PCDHGB3: variants seen among roughly 807,000 people sequenced by gnomAD.
PCDHGB3 encodes protocadherin gamma subfamily B, 3, also known as protocadherin gamma-B3.
In PCDHGB3, 40 loss-of-function variants were observed where a neutral mutation model predicts 59.2. The ratio of observed to expected loss-of-function variants is 0.68; its 90% CI spans 0.52 to 0.88. The LOEUF (loss-of-function observed/expected upper bound fraction) is 0.88. Ranked by LOEUF, PCDHGB3 falls within the 40% of genes least tolerant of loss-of-function variation. PCDHGB3 has a pLI of 0.00. For synonymous variants in PCDHGB3, 581 were observed against 503.6 expected, an observed-to-expected ratio of 1.15 and a Z score of -2.06; for missense variants, 1,309 against 1,187.9, an observed-to-expected ratio of 1.10 and a Z score of -1.50.
intron 1 of PCDHGB3, chr5:141,403,000 A>T: frequency 1.1e-5 from 18 of 1,613,980 alleles, no homozygotes; most frequent in Non-Finnish European, 1.4e-5. Context: ...TAGTCCTGCT[A>T]TGCTCGCTCC....
rs749759763 is a variant in PCDHGB3 at position 141,384,376 on chromosome 5, G to A, written c.2415+11567G>A. On this transcript the variant is annotated intron_variant, in intron 1 of 3. Coordinates refer to ENST00000576222, the MANE Select transcript of PCDHGB3 (RefSeq NM_018924.5). ...TGCCCAGATCACTTATTCCTTGGCCGAAGACACCATCCAGGGGGCTCCAGT... is the reference window on the plus strand; with the variant it reads ...TGCCCAGATCACTTATTCCTTGGCCAAAGACACCATCCAGGGGGCTCCAGT... 10 of 1,613,786 alleles carry A rather than the reference G, an allele frequency of 6.2e-6. No individual in the cohort carries two copies. In the African/African-American group the frequency reaches 8.0e-5, roughly 13 times the overall value.
In PCDHGB3 at chr5:141,427,784, G is replaced by A. The variant is rs750188824; in HGVS notation, c.2415+54975G>A. 6.8e-6 allele frequency: 10 copies of A among 1,470,180 alleles called. No homozygotes were observed. The Admixed American group carries it at 1.3e-4, about 20-fold the overall frequency. 91.1% of individuals were successfully genotyped at this position (1,470,180 alleles called of 1,614,324 possible). Reference sequence around the variant, plus strand: ...CTGACTTGGAGCTGCGGGCACTGTCGTCCTACGTGTCCGTGAGCGCACAGA... The same window carrying A: ...CTGACTTGGAGCTGCGGGCACTGTCATCCTACGTGTCCGTGAGCGCACAGA... On this transcript the variant is annotated intron_variant, in intron 1 of 3. Coordinates refer to ENST00000576222, the MANE Select transcript of PCDHGB3 (RefSeq NM_018924.5).
intron 1 of PCDHGB3, chr5:141,421,033 C>T (rs915028623): frequency 2.4e-5 from 13 of 533,788 alleles, no homozygotes; most frequent in Non-Finnish European, 6.5e-6. Context: ...CCATTGAGTC[C>T]CTCCCTCCCC....
intron 1 of PCDHGB3, chr5:141,475,934 GC>G (rs879308605): frequency 6.0e-6 from 4 of 665,236 alleles, no homozygotes; most frequent in Non-Finnish European, 1.0e-5. Context: ...TCGGGCCCCT[GC>G]CCGTCCCCTT....
intron 1 of PCDHGB3, among the ~76,000 whole-genome samples, chr5:141,460,959 A>ATG (rs1248175237): frequency 7.9e-6 from 1 of 126,082 alleles, no homozygotes; most frequent in Non-Finnish European, 1.6e-5. Flanking sequence ...ATGTATATAT[A>ATG]TATGTGTGTG....
rs2099748976 is a variant in PCDHGB3, at chr5:141,493,566, C to G, written c.2416-1241C>G. Among the ~76,000 whole-genome samples, 1 of 152,168 alleles carries G rather than the reference C, an allele frequency of 6.6e-6. No individual in the cohort carries two copies. Among genetic ancestry groups the G allele is most frequent in the African/African-American group, 2.4e-5 (1 of 41,436 alleles). ...TTTTGGAGATTGAGTTCCCCCAGCT[C>G]CGTTTCCTCCTATCACAATCACTGC... is the stretch of plus-strand genomic sequence containing the variant. On this transcript the variant is annotated intron_variant, in intron 1 of 3. Transcript: ENST00000576222. The surrounding 1 kb of genome is among the most constrained non-coding windows in gnomAD (Gnocchi z 4.3).
At chr5:141,496,146 G>A (rs749790409) in intron 2 of PCDHGB3, among the ~76,000 whole-genome samples, 1 of 151,170 alleles carries the variant, frequency 6.6e-6, no homozygotes, top group Non-Finnish European at 1.5e-5. Flanking sequence ...GCCTTTGATC[G>A]CAGCTCTCCA....
chr5:141,378,217 G>A (rs977724774), intron 1 of PCDHGB3: 2 of 152,186 alleles, frequency 1.3e-5, no homozygotes, highest in African/African-American at 4.8e-5. Context: ...CATACTGTGT[G>A]CCTGATAGTA....
At chr5:141,417,997 G>T in intron 1 of PCDHGB3, 1 of 1,613,872 alleles carries the variant, frequency 6.2e-7, no homozygotes, top group Non-Finnish European at 8.5e-7. Context: ...AGGGCTCGGT[G>T]GTGGGGAACC....
At chr5:141,465,747 A>G (rs2099108470) in intron 1 of PCDHGB3, among the ~76,000 whole-genome samples, 2 of 151,126 alleles carry the variant, frequency 1.3e-5, no homozygotes, top group African/African-American at 4.9e-5. Flanking sequence ...TCAGGATCAG[A>G]CTGGTAAAGT....
rs1053018756 is a variant in PCDHGB3, at chr5:141,497,630, G to T, written c.2474+2765G>T. ...TCTTGGCTCACTGCAACCTCTGCCT[G>T]CCAGGTTCAAGCGATTCTCCTGCCT... is the stretch of plus-strand genomic sequence containing the variant. On this transcript the variant is annotated intron_variant, in intron 2 of 3. Coordinates refer to ENST00000576222, the MANE Select transcript of PCDHGB3 (RefSeq NM_018924.5). 3.3e-5 allele frequency among the ~76,000 whole-genome samples: 5 copies of T among 150,256 alleles called. No homozygotes were observed. The Admixed American group carries it at 3.3e-4, about 10-fold the overall frequency.
At chr5:141,418,899 T>C (rs1320380997) in intron 1 of PCDHGB3, 1 of 1,613,944 alleles carries the variant, frequency 6.2e-7, no homozygotes. Flanking sequence ...AGCCCAGAAA[T>C]AATCATCACG....
At chr5:141,426,702 C>CA (rs1187798274) in intron 1 of PCDHGB3, 1 of 439,184 alleles carries the variant, frequency 2.3e-6, no homozygotes, top group Admixed American at 2.4e-5. Context: ...CATTGTTTTA[C>CA]AAATCAATGA....
chr5:141,392,273 G>A (rs1037062086), intron 1 of PCDHGB3: 3 of 152,178 alleles, frequency 2.0e-5, no homozygotes, highest in Admixed American at 2.0e-4. Flanking sequence ...TTACAATAAA[G>A]CTTAGAGCAC....
chr5:141,478,322 C>A, intron 1 of PCDHGB3: 3 of 1,613,976 alleles, frequency 1.9e-6, no homozygotes, highest in Non-Finnish European at 2.5e-6. Context: ...CTCACTGTAC[C>A]GAACACCAGG....
chr5:141,476,596 C>T lies in PCDHGB3; in HGVS notation c.2416-18211C>T. 1 of 1,614,224 alleles carries T rather than the reference C, an allele frequency of 6.2e-7. No homozygotes were observed. Among genetic ancestry groups the T allele is most frequent in the Non-Finnish European group, 8.5e-7 (1 of 1,180,038 alleles). On this transcript the variant is annotated intron_variant, in intron 1 of 3. Coordinates refer to ENST00000576222, the MANE Select transcript of PCDHGB3 (RefSeq NM_018924.5). The surrounding 1 kb of genome is among the most constrained non-coding windows in gnomAD (Gnocchi z 7.6). The stretch of plus-strand genomic sequence containing the variant: ...CGCGCTTTCCGCTCGAGAGCGCGCA[C>T]GATCCCGATGTGGGAAGCAACTCTT...
intron 1 of PCDHGB3, chr5:141,428,239 G>T (rs1183885220): frequency 3.0e-6 from 3 of 997,526 alleles, no homozygotes; most frequent in Non-Finnish European, 4.6e-6. Flanking sequence ...CCTGCAGGAG[G>T]CACTGCCAGA....
rs369106233 is a variant in PCDHGB3 at position 141,370,518 on chromosome 5, G to A, written c.124G>A (p.Asp42Asn). 13 of 1,613,886 alleles carry A rather than the reference G, an allele frequency of 8.1e-6. No homozygotes were observed. The African/African-American group carries it at 1.7e-4, about 22-fold the overall frequency. ...PIRYAIPEELDRGSLVGNLAK... is the reference protein window; with the variant it reads ...PIRYAIPEELNRGSLVGNLAK... Reference sequence around the variant, plus strand: ...CCGCTACGCTATTCCCGAGGAGCTGGACAGGGGCTCGCTGGTAGGGAACCT... The same window carrying A: ...CCGCTACGCTATTCCCGAGGAGCTGAACAGGGGCTCGCTGGTAGGGAACCT... The change falls in exon 1 of 4, where the codon GAC becomes AAC. Residue 42 changes from aspartate to asparagine, a missense_variant. Physicochemically the swap from Asp to Asn is conservative, Grantham distance 23. Transcript: ENST00000576222.
In PCDHGB3 at chr5:141,511,259, A is replaced by G; in HGVS notation, c.*86A>G. On this transcript the variant is annotated 3_prime_UTR_variant, in exon 4 of 4. Transcript: ENST00000576222. ...ACCTGCACCCAGGCCTCAGAGTTTCAGGGCTAACCCCCAGAATACTGGTAG... is the reference window on the plus strand; with the variant it reads ...ACCTGCACCCAGGCCTCAGAGTTTCGGGGCTAACCCCCAGAATACTGGTAG... 1.3e-6 allele frequency: 2 copies of G among 1,559,840 alleles called. No individual in the cohort carries two copies. The highest frequency in any genetic ancestry group is 1.7e-6 in the Non-Finnish European group (2 of 1,152,466).
Sources: gnomAD v4.1 joint callset for allele counts (sites outside exome capture counted in the v4.1 genomes callset) on GRCh38, gnomAD v4.1.1 for gene constraint, Gnocchi (gnomAD v3.1) non-coding constraint, MANE v1.5 for transcripts, NCBI Gene and HGNC (gene_info 2026-07-23, HGNC 2026-07-21) for gene names.